TPH2: variants seen among roughly 807,000 people sequenced by gnomAD.
TPH2 encodes the protein tryptophan hydroxylase 2.
A neutral mutation model predicts 59.1 loss-of-function variants in TPH2; 27 were observed. The observed-to-expected ratio is 0.46, with a 90% CI of 0.34 to 0.63. TPH2 has a LOEUF of 0.63. TPH2 is among the 30% of genes least tolerant of loss of function. TPH2 has a pLI of 0.01. For synonymous variants in TPH2, 220 were observed against 210.5 expected (o/e 1.05, Z -0.39); for missense variants, 523 against 588.3 (o/e 0.89, Z 1.15).
chr12:71,962,550 G>T, intron 5 of TPH2: 2 of 985,216 alleles, frequency 2.0e-6, no homozygotes, highest in Non-Finnish European at 2.4e-6. Context: ...CAGAAAGTTT[G>T]TTACAATCCT....
intron 4 of TPH2, 135 bp from the exon 5 acceptor site, chr12:71,949,453 G>A: frequency 1.4e-6 from 1 of 704,204 alleles, no homozygotes. Context: ...TTCTGTCTGT[G>A]TCATCAAGAT....
intron 8 of TPH2, among the ~76,000 whole-genome samples, chr12:72,021,312 G>A (rs1873408081): frequency 6.6e-6 from 1 of 151,644 alleles, no homozygotes; most frequent in African/African-American, 2.4e-5. Flanking sequence ...TTAATGTCCT[G>A]GGGAAGTTGT....
intron 5 of TPH2, chr12:71,962,749 G>C: frequency 3.0e-5 from 28 of 929,660 alleles, no homozygotes; most frequent in Non-Finnish European, 3.6e-5. Context: ...TTGAGATAGA[G>C]TATCTGTCAT....
At position 71,961,833 on chromosome 12, in the gene TPH2, A is replaced by G. The variant is rs1871692948; in HGVS notation, c.609-10686A>G. On this transcript the variant is annotated intron_variant, in intron 5 of 10. Transcript: ENST00000333850. Reference sequence around the variant, plus strand: ...AAAACAAATAATTTCTAGGAGTTAAATCTTTGTTCTCCCTGAGGCTCCTTA... The same window carrying G: ...AAAACAAATAATTTCTAGGAGTTAAGTCTTTGTTCTCCCTGAGGCTCCTTA... The G allele has an allele frequency of 5.1e-6, 6 of 1,171,562 alleles. No homozygotes were observed. The Admixed American group carries it at 2.3e-4, about 44-fold the overall frequency. The allele number at this position is 1,171,562 out of a possible 1,614,324, so 72.6% of individuals were successfully genotyped here. A position where few individuals can be genotyped will look rare whatever the true frequency, so the allele number is the denominator to read the frequency against.
At chr12:71,947,331 T>G (rs551290021) in intron 4 of TPH2, among the ~76,000 whole-genome samples, 23 of 152,098 alleles carry the variant, frequency 1.5e-4, no homozygotes, top group African/African-American at 5.1e-4. Context: ...CTATTTGGGG[T>G]AGCTAATTGA....
chr12:71,964,907 A>G, intron 5 of TPH2: 1 of 246,402 alleles, frequency 4.1e-6, no homozygotes, highest in Non-Finnish European at 6.5e-6. Context: ...AGTACCCAAT[A>G]GTTTACTTTC....
intron 5 of TPH2, among the ~76,000 whole-genome samples, chr12:71,957,053 A>G (rs1463808751): frequency 2.0e-5 from 3 of 152,236 alleles, no homozygotes; most frequent in Non-Finnish European, 4.4e-5. Flanking sequence ...GGAGCTAGAC[A>G]GAATTAGGTT....
At chr12:71,953,791 G>A (rs564455408) in intron 5 of TPH2, among the ~76,000 whole-genome samples, 20 of 152,198 alleles carry the variant, frequency 1.3e-4, no homozygotes, top group Non-Finnish European at 1.8e-4. Context: ...GCTGGCAGGC[G>A]GAGAACAATT....
At position 71,980,466 on chromosome 12, in the gene TPH2, G is replaced by T. The variant is rs185153991; in HGVS notation, c.941+1379G>T. On this transcript the variant is annotated intron_variant, in intron 7 of 10. Coordinates refer to ENST00000333850, the MANE Select transcript of TPH2 (RefSeq NM_173353.4). Reference sequence around the variant, plus strand: ...CCTCATTTTCCTAGGCTGGCATAAGGCTCACAGTCCAGGTAGGTCCCTGTC... The same window carrying T: ...CCTCATTTTCCTAGGCTGGCATAAGTCTCACAGTCCAGGTAGGTCCCTGTC... 2.3e-3 allele frequency among the ~76,000 whole-genome samples: 343 copies of T among 152,186 alleles called. 1 individual carries two copies. The highest frequency in any genetic ancestry group is 8.1e-3 in the African/African-American group (336 of 41,508).
chr12:71,968,673 G>A (rs761217396), intron 5 of TPH2, among the ~76,000 whole-genome samples: 17 of 152,234 alleles, frequency 1.1e-4, no homozygotes, highest in Non-Finnish European at 2.1e-4. Flanking sequence ...TTGACTTTGA[G>A]AGGAGGAAAG....
intron 5 of TPH2, among the ~76,000 whole-genome samples, chr12:71,969,343 A>G (rs952336303): frequency 2.0e-5 from 3 of 152,202 alleles, no homozygotes; most frequent in African/African-American, 7.2e-5. Flanking sequence ...TGAAAAGACC[A>G]GGGCACCCCT....
At chr12:71,957,351 T>TG (rs1555211088) in intron 5 of TPH2, among the ~76,000 whole-genome samples, 1 of 144,298 alleles carries the variant, frequency 6.9e-6, no homozygotes, top group Non-Finnish European at 1.5e-5. Flanking sequence ...TTTTTTTTTT[T>TG]GTGAGACAGG....
Position 71,949,572 on chromosome 12 carries a change from C to G in TPH2, c.541-16C>G, listed in dbSNP as rs368395923. On this transcript the variant is annotated splice_polypyrimidine_tract_variant and intron_variant, in intron 4 of 10. Transcript: ENST00000333850. ...TCAGCACTTTGTTAAATAACTTAAT[C>G]TTTTTTGTGTTTAAGGGATTTAAGG... 5 of 1,610,046 alleles carry G rather than the reference C, an allele frequency of 3.1e-6. No individual in the cohort carries two copies. The highest frequency in any genetic ancestry group is 4.2e-6 in the Non-Finnish European group (5 of 1,176,776).
chr12:71,972,731 G>C lies in TPH2; in HGVS notation c.805+16G>C, dbSNP rs112342169. The C allele has an allele frequency of 6.2e-7, 1 of 1,611,842 alleles. No individual in the cohort carries two copies. Among genetic ancestry groups the C allele is most frequent in the Non-Finnish European group, 8.5e-7 (1 of 1,179,358 alleles). On this transcript the variant is annotated intron_variant, in intron 6 of 10. Transcript: ENST00000333850. ...TTTCTGAAAGGTAAGATTTCACACA[G>C]GCTGTCTCTTATTAGTCAATATCCT...
intron 8 of TPH2, among the ~76,000 whole-genome samples, chr12:72,007,706 C>T (rs1872991981): frequency 6.6e-6 from 1 of 152,040 alleles, no homozygotes; most frequent in African/African-American, 2.4e-5. Context: ...CTTAAAATGA[C>T]ATGCTTTAGA....
intron 7 of TPH2, 75 bp downstream of exon 7, chr12:71,979,162 G>A (rs572884096): frequency 1.9e-6 from 3 of 1,597,024 alleles, no homozygotes; most frequent in South Asian, 1.1e-5. Flanking sequence ...AAATGACTTA[G>A]GCCCTGTTTT....
At chr12:72,028,089 A>C (rs1010767420) in intron 9 of TPH2, among the ~76,000 whole-genome samples, 1 of 152,112 alleles carries the variant, frequency 6.6e-6, no homozygotes, top group South Asian at 2.1e-4. Flanking sequence ...GTCCTTTTAG[A>C]GGGTGTTCTG....
intron 6 of TPH2, among the ~76,000 whole-genome samples, chr12:71,974,192 C>G (rs908301253): frequency 5.9e-5 from 9 of 152,124 alleles, no homozygotes; most frequent in Admixed American, 5.9e-4. Context: ...AGGCTTGCCT[C>G]TAAGGACTCC....
intron 5 of TPH2, among the ~76,000 whole-genome samples, chr12:71,971,587 G>A (rs1304912071): frequency 6.6e-6 from 1 of 152,138 alleles, no homozygotes; most frequent in East Asian, 1.9e-4. Flanking sequence ...TAGAGCACCA[G>A]TTTCTCCTGA....
Sources: allele counts gnomAD v4.1 joint callset (sites outside exome capture counted in the v4.1 genomes callset), GRCh38; gene constraint gnomAD v4.1.1; transcripts MANE v1.5; gene names NCBI Gene and HGNC (gene_info 2026-07-23, HGNC 2026-07-21).